Variants in NRTN observed in about 807,000 individuals in gnomAD.
The protein encoded by NRTN is neurturin.
A neutral mutation model predicts 7.5 loss-of-function variants in NRTN; 3 were observed. That is an observed-to-expected ratio of 0.40 (90% confidence interval 0.18 to 1.03). NRTN has a LOEUF of 1.03. Among genes scored for constraint, NRTN ranks in the 50% least tolerant of loss-of-function variants. The pLI is 0.34. For missense variants in NRTN, 310 were observed against 307.0 expected, an observed-to-expected ratio of 1.01 and a Z score of -0.07; for synonymous variants, 157 against 146.6, an observed-to-expected ratio of 1.07 and a Z score of -0.51.
chr19:5,811,799 C>A lies in NRTN; in HGVS notation c.-399+6348C>A, dbSNP rs1367932034. Among the ~76,000 whole-genome samples, 4 of 151,888 alleles carry A rather than the reference C, an allele frequency of 2.6e-5. No homozygotes were observed. The East Asian group carries it at 7.7e-4, about 29-fold the overall frequency. ...CTCCTGGCCTAAAGTGATCCACCTG[C>A]CTTGGCCTCCCAAAGTGCTGGGATT... On this transcript the variant is annotated intron_variant, in intron 1 of 2. Transcript: ENST00000303212.
chr19:5,826,523 C>A (rs2057047102), intron 2 of NRTN, among the ~76,000 whole-genome samples: 1 of 152,216 alleles, frequency 6.6e-6, no homozygotes, highest in Non-Finnish European at 1.5e-5. Context: ...TCCTCCCCCA[C>A]CAAACCCCAG....
Position 5,828,013 on chromosome 19 carries a change from T to TGCGACGACTGCGCCAGCG in NRTN, c.438_455dup (p.Gln150_Arg155dup). ...GCCGCGCGCGTCTACGACCTCGGGC[T>TGCGACGACTGCGCCAGCG]GCGACGACTGCGCCAGCGGCGGCGC... On this transcript the variant is annotated inframe_insertion, in exon 3 of 3. Coordinates refer to ENST00000303212, the MANE Select transcript of NRTN (RefSeq NM_004558.5). The TGCGACGACTGCGCCAGCG allele has an allele frequency of 7.0e-7, 1 of 1,434,374 alleles. No individual in the cohort carries two copies. Among genetic ancestry groups the TGCGACGACTGCGCCAGCG allele is most frequent in the Non-Finnish European group, 9.1e-7 (1 of 1,101,518 alleles). The allele number at this position is 1,434,374 out of a possible 1,614,324, so 88.9% of individuals were successfully genotyped here.
intron 1 of NRTN, among the ~76,000 whole-genome samples, chr19:5,818,194 C>T (rs2057012139): frequency 2.0e-5 from 3 of 152,012 alleles, no homozygotes; most frequent in Admixed American, 2.0e-4. Context: ...GAACTCCTGA[C>T]CTCAGGTGAT....
At chr19:5,821,780 C>G (rs80122541) in intron 1 of NRTN, among the ~76,000 whole-genome samples, 1 of 152,162 alleles carries the variant, frequency 6.6e-6, no homozygotes, top group Non-Finnish European at 1.5e-5. Flanking sequence ...GATGCCCTCA[C>G]GTTGGGGAAC....
At chr19:5,821,571 G>A (rs1415091088) in intron 1 of NRTN, among the ~76,000 whole-genome samples, 1 of 152,004 alleles carries the variant, frequency 6.6e-6, no homozygotes, top group Admixed American at 6.6e-5. Flanking sequence ...CCAAAGTGCT[G>A]GGATTACTAC....
intron 1 of NRTN, among the ~76,000 whole-genome samples, chr19:5,811,546 T>C (rs1396475398): frequency 6.6e-6 from 1 of 152,174 alleles, no homozygotes; most frequent in African/African-American, 2.4e-5. Context: ...TTACTATTAT[T>C]ATTAGAGACG....
intron 1 of NRTN, among the ~76,000 whole-genome samples, chr19:5,814,824 CCTT>C (rs55814356): frequency 0.23 from 35,185 of 152,016 alleles, 4,232 homozygotes; most frequent in South Asian, 0.31. Context: ...TGTCCTAGGT[CCTT>C]CTTGCTGCAC....
At chr19:5,815,991 C>T (rs2057004133) in intron 1 of NRTN, among the ~76,000 whole-genome samples, 1 of 151,692 alleles carries the variant, frequency 6.6e-6, no homozygotes, top group African/African-American at 2.4e-5. Flanking sequence ...GTGATCCACC[C>T]GCCTTGGCCT....
chr19:5,827,864 T>TGCGC lies in NRTN; in HGVS notation c.287_290dup (p.Leu98AlafsTer143). ...CGGGGCCCCGGCGGCGGCGCGCGCG[T>TGCGC]GCGCGGTTGGGGGCGCGGCCTTGCG... On this transcript the variant is annotated frameshift_variant, in exon 3 of 3. Coordinates refer to ENST00000303212, the MANE Select transcript of NRTN (RefSeq NM_004558.5). LOFTEE classifies it low-confidence loss of function (END_TRUNC). The TGCGC allele has an allele frequency of 8.2e-7, 1 of 1,220,656 alleles. No individual in the cohort carries two copies. The highest frequency in any genetic ancestry group is 1.0e-6 in the Non-Finnish European group (1 of 982,270). 75.6% of individuals were successfully genotyped at this position (1,220,656 alleles called of 1,614,324 possible). A position where few individuals can be genotyped will look rare whatever the true frequency, so the allele number is the denominator to read the frequency against.
chr19:5,821,018 C>G (rs758663946), intron 1 of NRTN, among the ~76,000 whole-genome samples: 1 of 152,190 alleles, frequency 6.6e-6, no homozygotes, highest in Non-Finnish European at 1.5e-5. Context: ...ATGCCTCTGC[C>G]TGGAACACCT....
At chr19:5,820,767 A>AG (rs2057022089) in intron 1 of NRTN, among the ~76,000 whole-genome samples, 1 of 147,920 alleles carries the variant, frequency 6.8e-6, no homozygotes, top group African/African-American at 2.5e-5. Flanking sequence ...AAAAAAAAAA[A>AG]GGAATAAAGG....
At chr19:5,822,584 G>A (rs1430737799) in intron 1 of NRTN, among the ~76,000 whole-genome samples, 1 of 152,214 alleles carries the variant, frequency 6.6e-6, no homozygotes, top group Non-Finnish European at 1.5e-5. Flanking sequence ...GTGCCCGAAT[G>A]GGTAAAGCTC....
chr19:5,822,043 C>T (rs531810170), intron 1 of NRTN, among the ~76,000 whole-genome samples: 1 of 152,280 alleles, frequency 6.6e-6, no homozygotes, highest in Non-Finnish European at 1.5e-5. Context: ...GGGCTCAGCA[C>T]CAGGCCTGTT....
chr19:5,810,819 C>T (rs1376997835), intron 1 of NRTN, among the ~76,000 whole-genome samples: 2 of 151,524 alleles, frequency 1.3e-5, no homozygotes, highest in Admixed American at 1.3e-4. Context: ...ATCCCAGCTA[C>T]TTGGGAGGCT....
At position 5,816,332 on chromosome 19, in the gene NRTN, T is replaced by G. The variant is rs2075724944; in HGVS notation, c.-398-7436T>G. Among the ~76,000 whole-genome samples the G allele has an allele frequency of 2.0e-5, 3 of 152,234 alleles. No individual in the cohort carries two copies. In the South Asian group the frequency reaches 6.2e-4, roughly 32 times the overall value. On this transcript the variant is annotated intron_variant, in intron 1 of 2. Coordinates refer to ENST00000303212, the MANE Select transcript of NRTN (RefSeq NM_004558.5). ...ACTCCTCCTCCATCTGTCTTTGTCC[T>G]TCATGACCTTGACTCTTTTTGTCTT... is the stretch of plus-strand genomic sequence containing the variant.
intron 1 of NRTN, among the ~76,000 whole-genome samples, chr19:5,815,009 G>A (rs560073047): frequency 2.6e-5 from 4 of 152,358 alleles, no homozygotes; most frequent in African/African-American, 7.2e-5. Context: ...GGGTGGACAC[G>A]GGCAGTGGTC....
Position 5,805,325 on chromosome 19 carries a change from G to A in NRTN, c.-525G>A, listed in dbSNP as rs1301450288. ...CCCGCGCCGCACCCCGCCCGCGGCC[G>A]CCCCCTCCGGCCCGGGCCCCCCCCG... On this transcript the variant is annotated 5_prime_UTR_variant, in exon 1 of 3. Coordinates refer to ENST00000303212, the MANE Select transcript of NRTN (RefSeq NM_004558.5). Among the ~76,000 whole-genome samples, 1 of 145,822 alleles carries A rather than the reference G, an allele frequency of 6.9e-6. No homozygotes were observed. Among genetic ancestry groups the A allele is most frequent in the Non-Finnish European group, 1.5e-5 (1 of 65,718 alleles).
intron 1 of NRTN, among the ~76,000 whole-genome samples, chr19:5,817,316 T>C (rs1350550793): frequency 6.6e-6 from 1 of 150,564 alleles, no homozygotes; most frequent in African/African-American, 2.5e-5. Flanking sequence ...GTTGCGCCAC[T>C]GCACTCCAGC....
chr19:5,810,742 A>G (rs1022951628), intron 1 of NRTN, among the ~76,000 whole-genome samples: 2 of 151,858 alleles, frequency 1.3e-5, no homozygotes, highest in Admixed American at 6.6e-5. Context: ...CACCCTGGCC[A>G]ACATGGTGAA....
Sources: gnomAD v4.1 joint callset for allele counts (sites outside exome capture counted in the v4.1 genomes callset) on GRCh38, gnomAD v4.1.1 for gene constraint, MANE v1.5 for transcripts, NCBI Gene and HGNC (gene_info 2026-07-23, HGNC 2026-07-21) for gene names.